ADGRG3: variants seen among roughly 807,000 people sequenced by gnomAD.
The protein encoded by ADGRG3 is adhesion G protein-coupled receptor G3, also known as G protein-coupled receptor 97.
Under a neutral mutation model 54.3 loss-of-function variants are expected in ADGRG3, and 39 were observed. That is an observed-to-expected ratio of 0.72 (90% CI 0.56 to 0.94). The LOEUF (loss-of-function observed/expected upper bound fraction) is 0.94. Among genes scored for constraint, ADGRG3 ranks in the 40% least tolerant of loss-of-function variants. The probability of loss-of-function intolerance (pLI) is 0.00; values close to 1 mark genes in which losing one functional copy is unlikely to be tolerated. For synonymous variants in ADGRG3, 312 were observed against 290.0 expected (o/e 1.08, Z -0.77); for missense variants, 654 against 694.6 (o/e 0.94, Z 0.66).
chr16:57,672,693 G>A (rs1326817705), intron 1 of ADGRG3, among the ~76,000 whole-genome samples: 1 of 152,172 alleles, frequency 6.6e-6, no homozygotes, highest in Non-Finnish European at 1.5e-5. Flanking sequence ...CACAAAAGCT[G>A]GTCTTTAGTC....
intron 8 of ADGRG3, 32 bp downstream of exon 8, chr16:57,680,649 C>A: frequency 6.9e-7 from 1 of 1,457,112 alleles, no homozygotes; most frequent in Non-Finnish European, 9.6e-7. Context: ...ACCATGTCTC[C>A]CTCCCGCCCT....
intron 4 of ADGRG3, 54 bp from the exon 5 acceptor site, chr16:57,679,123 T>G: frequency 6.2e-7 from 1 of 1,605,038 alleles, no homozygotes; most frequent in Non-Finnish European, 8.5e-7. Context: ...CCAGCGTTGG[T>G]GGGTTGGGAT....
chr16:57,674,753 G>A (rs547131234), intron 2 of ADGRG3: 16 of 222,794 alleles, frequency 7.2e-5, no homozygotes, highest in Middle Eastern at 2.8e-3. Context: ...GGAGGCCGAG[G>A]TGGGCAGATC....
At chr16:57,686,744 G>A (rs745448758) in intron 11 of ADGRG3, 2 of 152,196 alleles carry the variant, frequency 1.3e-5, no homozygotes, top group African/African-American at 4.8e-5. Context: ...GTCCATCTCT[G>A]GTCCAATCAG....
intron 2 of ADGRG3, among the ~76,000 whole-genome samples, chr16:57,675,327 T>A (rs879916636): frequency 4.0e-5 from 6 of 151,310 alleles, no homozygotes; most frequent in Non-Finnish European, 8.8e-5. Flanking sequence ...AAAAATAATT[T>A]AAAAAAAGAA....
intron 11 of ADGRG3, 151 bp downstream of exon 11, chr16:57,686,077 C>T (rs2048468273): frequency 1.3e-6 from 1 of 790,536 alleles, no homozygotes; most frequent in African/African-American, 1.7e-5. Context: ...GAGCAAGGAT[C>T]CAGGGCAGCA....
chr16:57,674,194 T>C (rs1164346939), intron 2 of ADGRG3, among the ~76,000 whole-genome samples: 1 of 151,770 alleles, frequency 6.6e-6, no homozygotes, highest in East Asian at 1.9e-4. Flanking sequence ...GGGGTCTGGG[T>C]GGGAGTGAGG....
intron 8 of ADGRG3, 108 bp from the exon 9 acceptor site, chr16:57,683,824 C>A (rs1256127066): frequency 5.1e-6 from 4 of 785,490 alleles, no homozygotes; most frequent in Non-Finnish European, 7.7e-6. Flanking sequence ...CAGGAGCTGG[C>A]AGTGGGGGTG....
In ADGRG3 at chr16:57,679,949, C is replaced by A. The variant is rs1279962973; in HGVS notation, c.667+94C>A. 12 of 977,960 alleles carry A rather than the reference C, an allele frequency of 1.2e-5. No homozygotes were observed. The Admixed American group carries it at 2.0e-4, about 17-fold the overall frequency. The allele number at this position is 977,960 out of a possible 1,614,324, so 60.6% of individuals were successfully genotyped here. On this transcript the variant is annotated intron_variant, in intron 6 of 11. Coordinates refer to ENST00000333493, the MANE Select transcript of ADGRG3 (RefSeq NM_170776.5). ...GCTAGCTCCACTGGCTGAGTCCCTCCCCTGCCTTCCTCTCCCCTCCCCTCC... is the reference window on the plus strand; with the variant it reads ...GCTAGCTCCACTGGCTGAGTCCCTCACCTGCCTTCCTCTCCCCTCCCCTCC...
intron 11 of ADGRG3, 61 bp downstream of exon 11, chr16:57,685,987 G>A: frequency 6.5e-7 from 1 of 1,539,588 alleles, no homozygotes; most frequent in South Asian, 1.2e-5. Flanking sequence ...GGTATTGGGA[G>A]GTGGGGAAGA....
chr16:57,679,730 CGGG>C (rs2048329057), intron 5 of ADGRG3, 83 bp from the exon 6 acceptor site: 1 of 1,039,354 alleles, frequency 9.6e-7, no homozygotes, highest in Admixed American at 1.7e-5. Context: ...CACTAGGACT[CGGG>C]GGAGCACACC....
At chr16:57,678,981 C>A (rs868015721) in intron 4 of ADGRG3, 196 bp from the exon 5 acceptor site, 4 of 624,086 alleles carry the variant, frequency 6.4e-6, no homozygotes, top group Non-Finnish European at 8.3e-6. Flanking sequence ...GTTGACCTGG[C>A]CCAGCCCAAG....
rs1264285572 is a variant in ADGRG3, at chr16:57,668,340, G to A, written c.-8G>A. 5 of 1,566,108 alleles carry A rather than the reference G, an allele frequency of 3.2e-6. No homozygotes were observed. In the African/African-American group the frequency reaches 5.4e-5, roughly 17 times the overall value. On this transcript the variant is annotated 5_prime_UTR_variant, in exon 1 of 12. Coordinates refer to ENST00000333493, the MANE Select transcript of ADGRG3 (RefSeq NM_170776.5). The stretch of plus-strand genomic sequence containing the variant: ...CAGAGCTCCTGGCGTGGGCAAGGCT[G>A]GCCAAGGATGGCGACGCCCAGGGGC...
intron 11 of ADGRG3, among the ~76,000 whole-genome samples, chr16:57,688,138 A>G (rs923454240): frequency 6.6e-6 from 1 of 152,116 alleles, no homozygotes. Flanking sequence ...TAGATATTTT[A>G]TTTGAAGGTC....
rs763162128 is a variant in ADGRG3 at position 57,678,293 on chromosome 16, A to T, written c.469A>T (p.Ile157Phe). ...VVRLAVTILD[I>F]GPGTLFKGPR... is the part of the protein sequence containing the mutation. ...CCGCTTGGCCGTCACCATTCTGGAC[A>T]TTGGTCCAGGGACTCTCTTCAAGGT... Residue 157 changes from isoleucine to phenylalanine, a missense_variant, in exon 4 of 12, where the codon ATT becomes TTT. Transcript: ENST00000333493. 2.5e-6 allele frequency: 4 copies of T among 1,614,176 alleles called. No individual in the cohort carries two copies. The East Asian group carries it at 8.9e-5, about 36-fold the overall frequency.
chr16:57,681,745 AAG>A (rs57063207), intron 8 of ADGRG3, among the ~76,000 whole-genome samples: 6,656 of 128,292 alleles, frequency 0.052, 501 homozygotes, highest in African/African-American at 0.15. Context: ...AAAAAAAAAA[AAG>A]AGAGAGAGAG....
intron 1 of ADGRG3, among the ~76,000 whole-genome samples, chr16:57,671,332 GTTTTTTTTTTTTT>G (rs60592653): frequency 6.9e-4 from 60 of 86,362 alleles, no homozygotes; most frequent in African/African-American, 2.9e-3. Context: ...TAGAATAGGA[GTTTTTTTTTTTTT>G]TTTTTTTTTT....
chr16:57,668,490 A>ACTGTC (rs1213678933), intron 1 of ADGRG3, 85 bp downstream of exon 1: 105 of 1,291,214 alleles, frequency 8.1e-5, no homozygotes, highest in Non-Finnish European at 1.1e-4. Context: ...AGACGCAGGG[A>ACTGTC]CTGGAGAAGG....
chr16:57,687,658 C>A (rs1169377554), intron 11 of ADGRG3, among the ~76,000 whole-genome samples: 22 of 152,224 alleles, frequency 1.4e-4, no homozygotes, highest in African/African-American at 5.1e-4. Flanking sequence ...GTAAGGCCAT[C>A]TGAGGCTGTC....
Sources: allele counts gnomAD v4.1 joint callset (sites outside exome capture counted in the v4.1 genomes callset), GRCh38; gene constraint gnomAD v4.1.1; transcripts MANE v1.5; gene names NCBI Gene and HGNC (gene_info 2026-07-23, HGNC 2026-07-21).